NAV3: variants seen among roughly 807,000 people sequenced by gnomAD.
NAV3 encodes the protein pore membrane and/or filament interacting like protein 1.
In NAV3, 87 loss-of-function variants were observed where a neutral mutation model predicts 244.7. That is an observed-to-expected ratio of 0.36 (90% CI 0.30 to 0.42). The LOEUF is 0.42. NAV3 is among the 20% of genes least tolerant of loss of function. NAV3 has a pLI of 1.00. For missense variants in NAV3, 2,663 were observed against 2,893.3 expected (o/e 0.92, Z 1.83); for synonymous variants, 1,126 against 1,042.2 (o/e 1.08, Z -1.55).
intron 30 of NAV3, among the ~76,000 whole-genome samples, chr12:78,185,388 C>A (rs114221371): frequency 0.016 from 2,379 of 151,848 alleles, 50 homozygotes; most frequent in African/African-American, 0.055. Flanking sequence ...GAGTGAAGAT[C>A]TTTGCAAGCA....
In NAV3 at chr12:77,731,068, T is replaced by G. The variant is rs541656239; in HGVS notation, c.72+158802T>G. Among the ~76,000 whole-genome samples the G allele has an allele frequency of 2.0e-5, 3 of 152,070 alleles. No homozygotes were observed. The South Asian group carries it at 6.2e-4, about 32-fold the overall frequency. Reference sequence around the variant, plus strand: ...CACGGTTTCAAAATTCTTCCACTCATACAACTTGTGGTTCATCAAACTAAG... The same window carrying G: ...CACGGTTTCAAAATTCTTCCACTCAGACAACTTGTGGTTCATCAAACTAAG... On this transcript the variant is annotated intron_variant, in intron 2 of 8. Transcript: ENST00000550042.
chr12:78,174,126 T>C (rs1958122251), intron 24 of NAV3, among the ~76,000 whole-genome samples: 1 of 151,784 alleles, frequency 6.6e-6, no homozygotes, highest in South Asian at 2.1e-4. Context: ...CCAATAAGTA[T>C]ATTAACGGAA....
chr12:77,971,128 A>G (rs2138042991), intron 5 of NAV3, among the ~76,000 whole-genome samples: 1 of 152,186 alleles, frequency 6.6e-6, no homozygotes, highest in Non-Finnish European at 1.5e-5. Context: ...GGTAGTTTAA[A>G]ATATAAAGCC....
chr12:77,847,596 A>G (rs1258434242), intron 1 of NAV3, among the ~76,000 whole-genome samples: 3 of 152,218 alleles, frequency 2.0e-5, no homozygotes, highest in Non-Finnish European at 4.4e-5. Context: ...TTTATCTACA[A>G]TTAATTCTGT....
chr12:77,779,606 A>G (rs1015196547), intron 2 of NAV3, among the ~76,000 whole-genome samples: 2 of 152,166 alleles, frequency 1.3e-5, no homozygotes, highest in African/African-American at 4.8e-5. Context: ...AAAATTGTAC[A>G]TTCCAATAAT....
intron 2 of NAV3, among the ~76,000 whole-genome samples, chr12:77,632,296 G>A (rs1038660014): frequency 4.6e-5 from 7 of 152,136 alleles, no homozygotes; most frequent in East Asian, 3.8e-4. Flanking sequence ...GTATTAGCCC[G>A]TTTTCACACT....
chr12:77,869,357 T>C (rs1880593731), intron 1 of NAV3, among the ~76,000 whole-genome samples: 1 of 152,178 alleles, frequency 6.6e-6, no homozygotes, highest in African/African-American at 2.4e-5. Context: ...CAATTTTGAA[T>C]TGAAAAATGT....
chr12:77,676,746 T>A (rs901380912), intron 2 of NAV3, among the ~76,000 whole-genome samples: 6 of 151,962 alleles, frequency 3.9e-5, no homozygotes, highest in Admixed American at 3.9e-4. Flanking sequence ...CTTAAAACCT[T>A]TAAAGTCTTT....
intron 2 of NAV3, among the ~76,000 whole-genome samples, chr12:77,686,439 T>C (rs899293431): frequency 1.1e-4 from 16 of 150,204 alleles, no homozygotes; most frequent in African/African-American, 3.9e-4. Context: ...TTTTTTTTTT[T>C]TTTTTTTTAA....
intron 2 of NAV3, among the ~76,000 whole-genome samples, chr12:77,652,191 T>C (rs1872855828): frequency 6.6e-6 from 1 of 152,196 alleles, no homozygotes; most frequent in Non-Finnish European, 1.5e-5. Flanking sequence ...AAATTCCCAA[T>C]ATCATAAATA....
At chr12:77,701,633 A>G (rs1029221037) in intron 2 of NAV3, among the ~76,000 whole-genome samples, 4 of 151,956 alleles carry the variant, frequency 2.6e-5, no homozygotes, top group Admixed American at 2.6e-4. Context: ...TAAATTTTCC[A>G]TAAACGCTAT....
intron 2 of NAV3, among the ~76,000 whole-genome samples, chr12:77,762,877 C>T (rs993999661): frequency 4.6e-5 from 7 of 152,118 alleles, no homozygotes; most frequent in Non-Finnish European, 1.0e-4. Flanking sequence ...TGGACTTTAC[C>T]TCTCCAGTAA....
At chr12:77,622,660 A>G (rs1301503147) in intron 2 of NAV3, among the ~76,000 whole-genome samples, 1 of 151,928 alleles carries the variant, frequency 6.6e-6, no homozygotes, top group Non-Finnish European at 1.5e-5. Context: ...GAAAAGCAAT[A>G]AAATCCTCAT....
intron 9 of NAV3, among the ~76,000 whole-genome samples, chr12:78,040,212 C>A (rs1880617617): frequency 6.6e-6 from 1 of 151,964 alleles, no homozygotes; most frequent in Admixed American, 6.6e-5. Context: ...ACATTTACTG[C>A]AATAAATTTT....
intron 2 of NAV3, among the ~76,000 whole-genome samples, chr12:77,651,208 C>T (rs1014468667): frequency 6.6e-6 from 1 of 152,026 alleles, no homozygotes; most frequent in African/African-American, 2.4e-5. Flanking sequence ...GCAAACATTA[C>T]TTCATCAATT....
chr12:77,667,961 T>C (rs1302751432), intron 2 of NAV3, among the ~76,000 whole-genome samples: 2 of 152,114 alleles, frequency 1.3e-5, no homozygotes, highest in Admixed American at 6.5e-5. Context: ...TGAAGACAGA[T>C]CACATCACAG....
chr12:78,005,109 AC>A (rs1873971298), intron 7 of NAV3, among the ~76,000 whole-genome samples: 2 of 151,888 alleles, frequency 1.3e-5, no homozygotes, highest in South Asian at 4.2e-4. Flanking sequence ...TCTCCGATCA[AC>A]CCCACCGAAG....
At chr12:78,082,418 A>T (rs1566106500) in intron 12 of NAV3, among the ~76,000 whole-genome samples, 1 of 152,172 alleles carries the variant, frequency 6.6e-6, no homozygotes, top group Non-Finnish European at 1.5e-5. Flanking sequence ...ATCTGTGCAC[A>T]TATTTTTAGA....
chr12:78,064,395 G>GTGCCTGTCTGTC (rs529560899), intron 12 of NAV3, among the ~76,000 whole-genome samples: 1 of 139,954 alleles, frequency 7.1e-6, no homozygotes, highest in Non-Finnish European at 1.5e-5. Context: ...CTATCTATCT[G>GTGCCTGTCTGTC]TGTCTGTCTG....
Sources: gnomAD v4.1 joint callset for allele counts (sites outside exome capture counted in the v4.1 genomes callset) on GRCh38, gnomAD v4.1.1 for gene constraint, MANE v1.5 for transcripts, NCBI Gene and HGNC (gene_info 2026-07-23, HGNC 2026-07-21) for gene names.